CTNND2: variants seen among roughly 807,000 people sequenced by gnomAD.
CTNND2 encodes the protein catenin delta-2.
Under a neutral mutation model 144.4 loss-of-function variants are expected in CTNND2, and 22 were observed. The ratio of observed to expected loss-of-function variants is 0.15; its 90% CI spans 0.11 to 0.22. The LOEUF (loss-of-function observed/expected upper bound fraction) is 0.22. Ranked by LOEUF, CTNND2 falls within the 10% of genes least tolerant of loss-of-function variation. The probability of loss-of-function intolerance (pLI) is 1.00; values close to 1 mark genes in which losing one functional copy is unlikely to be tolerated. For missense variants in CTNND2, 1,353 were observed against 1,618.8 expected, an observed-to-expected ratio of 0.84 and a Z score of 2.82; for synonymous variants, 751 against 695.6, an observed-to-expected ratio of 1.08 and a Z score of -1.25.
chr5:11,022,679 A>C, intron 17 of CTNND2, 90 bp downstream of exon 17: 1 of 922,686 alleles, frequency 1.1e-6, no homozygotes, highest in East Asian at 2.4e-5. Flanking sequence ...TTCCAGTGAC[A>C]GTCATAGTAC....
chr5:11,235,774 G>A (rs1741564019), intron 10 of CTNND2, among the ~76,000 whole-genome samples: 1 of 152,142 alleles, frequency 6.6e-6, no homozygotes, highest in African/African-American at 2.4e-5. Flanking sequence ...GTTCTTTGCA[G>A]TCCCAGGGGA....
intron 16 of CTNND2, among the ~76,000 whole-genome samples, chr5:11,060,293 C>G (rs1163904195): frequency 6.6e-6 from 1 of 152,052 alleles, no homozygotes; most frequent in Non-Finnish European, 1.5e-5. Flanking sequence ...CACCTATGGG[C>G]CCCTAAAACA....
At position 11,111,028 on chromosome 5, in the gene CTNND2, C is replaced by T. The variant is rs1752914264; in HGVS notation, c.2293G>A (p.Val765Met). ...TACGAGAGGTTCCTTAAAATGCACA[C>T]ACAGTTTTCAACGGTCTGCAGAAAA... ...EIDSKTVENC[V>M]CILRNLSYRL... The change falls in exon 14 of 22, where the codon GTG becomes ATG. Residue 765 changes from valine to methionine, a missense_variant. Val to Met is a conservative substitution (Grantham distance 21). Around this residue, in one of 4 missense-constraint regions of CTNND2, gnomAD observed 459 missense variants for 674.3 expected, o/e 0.68. Transcript: ENST00000304623. 1.9e-6 allele frequency: 3 copies of T among 1,613,854 alleles called. No individual in the cohort carries two copies. The highest frequency in any genetic ancestry group is 1.3e-5 in the African/African-American group (1 of 74,902).
intron 3 of CTNND2, among the ~76,000 whole-genome samples, chr5:11,497,674 T>G (rs528668716): frequency 3.6e-4 from 55 of 152,048 alleles, no homozygotes; most frequent in Middle Eastern, 3.4e-3. Context: ...TTTCTAGACA[T>G]TGACTTGTGT....
At chr5:11,054,823 G>A (rs1007817734) in intron 16 of CTNND2, among the ~76,000 whole-genome samples, 2 of 152,028 alleles carry the variant, frequency 1.3e-5, no homozygotes, top group African/African-American at 4.8e-5. Flanking sequence ...ACACTAAGTG[G>A]TCCTAGATAG....
At chr5:11,813,793 C>A (rs371984652) in intron 1 of CTNND2, among the ~76,000 whole-genome samples, 1 of 152,312 alleles carries the variant, frequency 6.6e-6, no homozygotes, top group East Asian at 1.9e-4. Flanking sequence ...GGATTAAAGG[C>A]ATGAGCCACC....
At chr5:11,079,487 C>T (rs553632100) in intron 16 of CTNND2, among the ~76,000 whole-genome samples, 1 of 152,278 alleles carries the variant, frequency 6.6e-6, no homozygotes, top group Admixed American at 6.5e-5. Context: ...CATCTTTCTC[C>T]AGGAGATCAA....
intron 1 of CTNND2, among the ~76,000 whole-genome samples, chr5:11,742,647 G>A (rs1788081315): frequency 6.6e-6 from 1 of 151,972 alleles, no homozygotes; most frequent in Non-Finnish European, 1.5e-5. Flanking sequence ...ATGAAATATG[G>A]CATTAGAACA....
intron 2 of CTNND2, among the ~76,000 whole-genome samples, chr5:11,618,843 C>T (rs967991872): frequency 1.8e-4 from 27 of 151,816 alleles, no homozygotes; most frequent in Non-Finnish European, 2.8e-4. Flanking sequence ...TGATTTTATC[C>T]GATTATTGTA....
chr5:11,405,432 ATT>A (rs766528064), intron 5 of CTNND2, among the ~76,000 whole-genome samples: 54 of 152,194 alleles, frequency 3.5e-4, no homozygotes, highest in Non-Finnish European at 2.9e-4. Flanking sequence ...AGAAAAAGAA[ATT>A]AGGCCGGAGC....
In CTNND2 at chr5:11,103,751, T is replaced by C. The variant is rs185292243; in HGVS notation, c.2464-5003A>G. Among the ~76,000 whole-genome samples, 189 of 151,374 alleles carry C rather than the reference T, an allele frequency of 1.2e-3. 1 individual carries two copies. The highest frequency in any genetic ancestry group is 4.5e-3 in the African/African-American group (184 of 41,222). On this transcript the variant is annotated intron_variant, in intron 14 of 21. Transcript: ENST00000304623. ...AAAAAAAAAAAAGACTTTGTAAACA[T>C]GGGGTTCTTTAAGTTATAGAGAGTC...
rs990704494 is a variant in CTNND2 at position 11,857,433 on chromosome 5, G to A, written c.37+46384C>T. ...GTCAATGAGGGTGTGTCAGCAGGCC[G>A]TGGTAAAGATGAGCTCCCTCCTGCA... is the stretch of plus-strand genomic sequence containing the variant. On this transcript the variant is annotated intron_variant, in intron 1 of 21. Transcript: ENST00000304623. Among the ~76,000 whole-genome samples, 12 of 152,288 alleles carry A rather than the reference G, an allele frequency of 7.9e-5. No homozygotes were observed. The South Asian group carries it at 1.0e-3, about 13-fold the overall frequency.
At chr5:11,302,021 T>C (rs1398396545) in intron 9 of CTNND2, among the ~76,000 whole-genome samples, 4 of 152,046 alleles carry the variant, frequency 2.6e-5, no homozygotes, top group African/African-American at 9.7e-5. Context: ...CAACTGGGAG[T>C]TGGATCCTTG....
chr5:11,271,270 G>GT (rs1745981907), intron 9 of CTNND2, among the ~76,000 whole-genome samples: 1 of 152,084 alleles, frequency 6.6e-6, no homozygotes, highest in East Asian at 1.9e-4. Context: ...ACAACCTGTA[G>GT]TTAAAAAATG....
rs577798619 is a variant in CTNND2 at position 11,176,351 on chromosome 5, C to T, written c.1976-16592G>A. Among the ~76,000 whole-genome samples, 13 of 26,266 alleles carry T rather than the reference C, an allele frequency of 4.9e-4. No individual in the cohort carries two copies. The East Asian group carries it at 0.019, about 38-fold the overall frequency. The allele number at this position is 26,266 out of a possible 152,430, so 17.2% of individuals were successfully genotyped here. ...CTGTCTTGGTGAGAGCAAGCTTTGA[C>T]GATTTATAAACACAAGGTGTAAAAA... On this transcript the variant is annotated intron_variant, in intron 11 of 21. Transcript: ENST00000304623.
At chr5:11,304,136 T>A (rs1208972768) in intron 9 of CTNND2, among the ~76,000 whole-genome samples, 1 of 148,930 alleles carries the variant, frequency 6.7e-6, no homozygotes, top group African/African-American at 2.4e-5. Flanking sequence ...TATGTCTTTA[T>A]CAGCAGCATG....
Position 11,291,980 on chromosome 5 carries a change from C to T in CTNND2, c.1628+54392G>A, listed in dbSNP as rs572123685. Among the ~76,000 whole-genome samples the T allele has an allele frequency of 4.6e-5, 7 of 152,128 alleles. No individual in the cohort carries two copies. The South Asian group carries it at 1.5e-3, about 32-fold the overall frequency. ...AAAAAATTCCACATCCTGACCTATC[C>T]ACCCCATAGACCCTGCTCCTCCTTT... is the stretch of plus-strand genomic sequence containing the variant. On this transcript the variant is annotated intron_variant, in intron 9 of 21. Coordinates refer to ENST00000304623, the MANE Select transcript of CTNND2 (RefSeq NM_001332.4).
chr5:11,885,725 A>T (rs1736471107), intron 1 of CTNND2, among the ~76,000 whole-genome samples: 1 of 151,904 alleles, frequency 6.6e-6, no homozygotes, highest in African/African-American at 2.4e-5. Context: ...CAGAATACAC[A>T]TTTTTTTTCA....
chr5:11,389,179 G>A (rs549341726), intron 6 of CTNND2, among the ~76,000 whole-genome samples: 22 of 152,208 alleles, frequency 1.4e-4, no homozygotes, highest in Non-Finnish European at 2.5e-4. Flanking sequence ...TCTCAGCCTC[G>A]AGGGCAACTT....
Sources: gnomAD v4.1 joint callset for allele counts (sites outside exome capture counted in the v4.1 genomes callset) on GRCh38, gnomAD v4.1.1 for gene constraint, gnomAD v4.1.1 regional missense constraint, MANE v1.5 for transcripts, NCBI Gene and HGNC (gene_info 2026-07-23, HGNC 2026-07-21) for gene names.